Variants in MANBA observed in about 807,000 individuals in gnomAD.
MANBA encodes beta-mannosidase.
Under a neutral mutation model 111.1 loss-of-function variants are expected in MANBA, and 83 were observed. The ratio of observed to expected loss-of-function variants is 0.75; its 90% confidence interval spans 0.63 to 0.90. The LOEUF (loss-of-function observed/expected upper bound fraction) is 0.90. Ranked by LOEUF, MANBA falls within the 40% of genes least tolerant of loss-of-function variation. The probability of loss-of-function intolerance (pLI) is 0.00; values close to 1 mark genes in which losing one functional copy is unlikely to be tolerated. For synonymous variants in MANBA, 370 were observed against 378.7 expected, an observed-to-expected ratio of 0.98 and a Z score of 0.27; for missense variants, 1,036 against 1,069.0, an observed-to-expected ratio of 0.97 and a Z score of 0.43.
rs374993543 is a variant in MANBA at position 102,635,835 on chromosome 4, C to T, written c.2157+30G>A. 5.6e-6 allele frequency: 9 copies of T among 1,596,656 alleles called. No homozygotes were observed. In the South Asian group the frequency reaches 6.6e-5, roughly 12 times the overall value. ...AAAGAAATCATCTAAAAGTCTCCTT[C>T]GATCTTAGAAAACAATCCAAGTAAC... On this transcript the variant is annotated intron_variant, in intron 15 of 16. Coordinates refer to ENST00000647097, the MANE Select transcript of MANBA (RefSeq NM_005908.4).
At chr4:102,758,935 G>T (rs1269881739) in intron 1 of MANBA, among the ~76,000 whole-genome samples, 1 of 152,072 alleles carries the variant, frequency 6.6e-6, no homozygotes, top group Admixed American at 6.6e-5. Flanking sequence ...TCAAGGTTTT[G>T]CTAAGAATTT....
chr4:102,716,192 C>T (rs1304330253), intron 4 of MANBA, among the ~76,000 whole-genome samples: 2 of 151,148 alleles, frequency 1.3e-5, no homozygotes, highest in Admixed American at 1.3e-4. Flanking sequence ...GCCTGTAATC[C>T]CAGCTACTCA....
At chr4:102,729,412 AG>A in intron 1 of MANBA, 1 of 1,147,812 alleles carries the variant, frequency 8.7e-7, no homozygotes, top group African/African-American at 1.5e-5. Context: ...GTTCATGCCC[AG>A]GGAGCGGCTG....
chr4:102,702,148 G>T (rs1284287934), intron 5 of MANBA, among the ~76,000 whole-genome samples: 1 of 151,514 alleles, frequency 6.6e-6, no homozygotes, highest in Non-Finnish European at 1.5e-5. Flanking sequence ...CCAGTTGATC[G>T]CATCGGCTCC....
chr4:102,652,744 A>G (rs1730393858), intron 12 of MANBA, among the ~76,000 whole-genome samples: 3 of 151,998 alleles, frequency 2.0e-5, no homozygotes. Context: ...AAAAATAAAA[A>G]ATCAGCCTGG....
intron 2 of MANBA, among the ~76,000 whole-genome samples, chr4:102,726,178 A>G (rs223499): frequency 0.31 from 46,301 of 151,494 alleles, 7,326 homozygotes; most frequent in African/African-American, 0.39. Context: ...TTTGGGTAAC[A>G]TTCTACCTCA....
At chr4:102,734,506 T>A in intron 1 of MANBA, 1 of 1,607,212 alleles carries the variant, frequency 6.2e-7, no homozygotes, top group Non-Finnish European at 8.5e-7. Context: ...TTCCACGAGG[T>A]GGAGGCTGAA....
chr4:102,671,271 A>G lies in MANBA; in HGVS notation c.1230+10T>C. On this transcript the variant is annotated intron_variant, in intron 9 of 16. Coordinates refer to ENST00000647097, the MANE Select transcript of MANBA (RefSeq NM_005908.4). ...ACTTATCAATATATAAAATGCTATC[A>G]ACTTCTCACCATTATTCCTAGTTCA... 1 of 1,475,800 alleles carries G rather than the reference A, an allele frequency of 6.8e-7. No homozygotes were observed. Among genetic ancestry groups the G allele is most frequent in the Non-Finnish European group, 9.5e-7 (1 of 1,054,238 alleles). The allele number at this position is 1,475,800 out of a possible 1,614,324, so 91.4% of individuals were successfully genotyped here.
chr4:102,673,809 T>A (rs1731602871), intron 8 of MANBA, 110 bp downstream of exon 8: 2 of 974,842 alleles, frequency 2.1e-6, no homozygotes, highest in Non-Finnish European at 3.3e-6. Flanking sequence ...AATTCTATAC[T>A]ACCTCTTAGT....
At chr4:102,666,899 C>T (rs1018910837) in intron 10 of MANBA, 2 of 152,250 alleles carry the variant, frequency 1.3e-5, no homozygotes, top group African/African-American at 4.8e-5. Context: ...TTCCTCCTTC[C>T]AAAAGTAACC....
intron 7 of MANBA, among the ~76,000 whole-genome samples, chr4:102,688,821 T>C (rs892286458): frequency 6.6e-6 from 1 of 152,132 alleles, no homozygotes; most frequent in African/African-American, 2.4e-5. Context: ...AAGCACCTTA[T>C]TCAGAAAAAT....
intron 14 of MANBA, among the ~76,000 whole-genome samples, chr4:102,637,164 AT>A (rs1407579612): frequency 6.6e-6 from 1 of 152,178 alleles, no homozygotes; most frequent in Non-Finnish European, 1.5e-5. Context: ...TTCTTTACAA[AT>A]TACCAGTCTC....
At chr4:102,722,643 C>A (rs1722628755) in intron 4 of MANBA, 1 of 532,280 alleles carries the variant, frequency 1.9e-6, no homozygotes. Context: ...TTTTCTGTTA[C>A]CTAAGTTCTG....
At chr4:102,716,628 A>G (rs2110276259) in intron 4 of MANBA, among the ~76,000 whole-genome samples, 1 of 152,362 alleles carries the variant, frequency 6.6e-6, no homozygotes, top group African/African-American at 2.4e-5. Flanking sequence ...CCTTTCACAC[A>G]GAATGTTTTC....
chr4:102,747,643 C>T (rs1357055614), intron 1 of MANBA, among the ~76,000 whole-genome samples: 1 of 152,230 alleles, frequency 6.6e-6, no homozygotes, highest in Non-Finnish European at 1.5e-5. Flanking sequence ...ATGATTCTTA[C>T]TTCAAAGGGT....
chr4:102,661,183 C>G (rs188672920), intron 11 of MANBA, among the ~76,000 whole-genome samples: 2 of 152,188 alleles, frequency 1.3e-5, no homozygotes, highest in African/African-American at 4.8e-5. Flanking sequence ...CTAGACAATG[C>G]TTTGCCTCAA....
intron 13 of MANBA, among the ~76,000 whole-genome samples, chr4:102,643,535 A>G (rs1451635115): frequency 1.3e-5 from 2 of 152,160 alleles, no homozygotes; most frequent in Non-Finnish European, 2.9e-5. Flanking sequence ...GAGGGTTCCA[A>G]TTTCTCCACA....
In MANBA at chr4:102,669,013, G is replaced by C. The variant is rs150743249; in HGVS notation, c.1267C>G (p.Pro423Ala). The stretch of plus-strand genomic sequence containing the variant: ...GAATCCAGGAAGCCCTGATCAGTTG[G>C]ATAAAGGGCACAGGCAAACATAAAA... ...QDFMFACALY[P>A]TDQGFLDSVT... The change falls in exon 10 of 17, where the codon CCA becomes GCA. Residue 423 changes from proline to alanine, a missense_variant. By Grantham distance (27) the Pro-to-Ala change is conservative (BLOSUM62 -1). Coordinates refer to ENST00000647097, the MANE Select transcript of MANBA (RefSeq NM_005908.4). The C allele has an allele frequency of 5.0e-6, 8 of 1,613,614 alleles. No homozygotes were observed. Among genetic ancestry groups the C allele is most frequent in the African/African-American group, 4.0e-5 (3 of 74,928 alleles).
chr4:102,693,914 T>C (rs1222008986), intron 5 of MANBA, among the ~76,000 whole-genome samples: 2 of 152,192 alleles, frequency 1.3e-5, no homozygotes, highest in Non-Finnish European at 2.9e-5. Context: ...AGACTCCCTT[T>C]ACACTGAATT....
Sources: gnomAD v4.1 joint callset for allele counts (sites outside exome capture counted in the v4.1 genomes callset) on GRCh38, gnomAD v4.1.1 for gene constraint, MANE v1.5 for transcripts, NCBI Gene and HGNC (gene_info 2026-07-23, HGNC 2026-07-21) for gene names.